Variants in C2orf42 observed in about 807,000 individuals in gnomAD.
C2orf42 encodes the protein chromosome 2 open reading frame 42.
Under a neutral mutation model 58.9 loss-of-function variants are expected in C2orf42, and 44 were observed. The ratio of observed to expected loss-of-function variants is 0.75; its 90% CI spans 0.59 to 0.96. The LOEUF is 0.96. Ranked by LOEUF, C2orf42 falls within the 40% of genes least tolerant of loss-of-function variation. C2orf42 has a pLI of 0.00. For missense variants in C2orf42, 630 were observed against 699.2 expected, an observed-to-expected ratio of 0.90 and a Z score of 1.12; for synonymous variants, 239 against 265.4, an observed-to-expected ratio of 0.90 and a Z score of 0.97.
intron 1 of C2orf42, chr2:70,190,682 G>T (rs1444991305): frequency 6.6e-6 from 1 of 152,182 alleles, no homozygotes; most frequent in Admixed American, 6.6e-5. Context: ...CCGACTCCGG[G>T]ACGCTCACCT....
Position 70,165,636 on chromosome 2 carries a change from C to G in C2orf42, c.1145-1G>C. On this transcript the variant is annotated splice_acceptor_variant, in intron 6 of 9. Coordinates refer to ENST00000264434, the MANE Select transcript of C2orf42 (RefSeq NM_017880.3). LOFTEE classifies it high-confidence loss of function. Reference sequence around the variant, plus strand: ...TGGAACACCAATGGTTCTGGTTTGCCTATGGGAAACAAGAAGAAACAACTC... The same window carrying G: ...TGGAACACCAATGGTTCTGGTTTGCGTATGGGAAACAAGAAGAAACAACTC... 6.4e-7 allele frequency: 1 copy of G among 1,552,842 alleles called. No individual in the cohort carries two copies. The highest frequency in any genetic ancestry group is 8.9e-7 in the Non-Finnish European group (1 of 1,125,184).
At chr2:70,171,060 A>G (rs1274409803) in intron 5 of C2orf42, among the ~76,000 whole-genome samples, 1 of 152,000 alleles carries the variant, frequency 6.6e-6, no homozygotes, top group African/African-American at 2.4e-5. Context: ...GCTTGCAGTG[A>G]GCCGAGATTG....
At chr2:70,150,929 T>A (rs1672269685) in intron 9 of C2orf42, among the ~76,000 whole-genome samples, 1 of 152,144 alleles carries the variant, frequency 6.6e-6, no homozygotes, top group Middle Eastern at 3.2e-3. Context: ...GTATTTTTAG[T>A]AGAGATGGGG....
chr2:70,151,665 A>G (rs1316137034), intron 9 of C2orf42, among the ~76,000 whole-genome samples: 1 of 152,054 alleles, frequency 6.6e-6, no homozygotes, highest in Non-Finnish European at 1.5e-5. Flanking sequence ...AAAAAACAAG[A>G]AGGATGGATT....
In C2orf42 at chr2:70,150,524, G is replaced by C; in HGVS notation, c.1557C>G (p.Ile519Met). ...SPDQKEPTPF[I>M]IEWIPDILPQ... ...GAAGGATATCTGGGATCCACTCGAT[G>C]ATGAAAGGTGTTGGCTCCTTTTGAT... Residue 519 changes from isoleucine to methionine, a missense_variant, in exon 10 of 10, where the codon ATC becomes ATG. Transcript: ENST00000264434. The C allele has an allele frequency of 6.2e-7, 1 of 1,614,012 alleles. No homozygotes were observed. The highest frequency in any genetic ancestry group is 1.7e-5 in the Admixed American group (1 of 60,012).
intron 9 of C2orf42, among the ~76,000 whole-genome samples, chr2:70,156,777 G>A (rs1280773211): frequency 2.6e-5 from 4 of 151,348 alleles, no homozygotes; most frequent in Admixed American, 1.3e-4. Flanking sequence ...TGGGAGGATC[G>A]CTTGAGCCCA....
At chr2:70,168,203 C>T (rs1243289373) in intron 6 of C2orf42, among the ~76,000 whole-genome samples, 3 of 151,674 alleles carry the variant, frequency 2.0e-5, no homozygotes, top group Non-Finnish European at 4.4e-5. Context: ...CACTGCACTC[C>T]AGCCTGGGCG....
intron 8 of C2orf42, among the ~76,000 whole-genome samples, 194 bp downstream of exon 8, chr2:70,164,898 T>C (rs1267487118): frequency 6.6e-6 from 1 of 152,186 alleles, no homozygotes; most frequent in Non-Finnish European, 1.5e-5. Context: ...AGATACTTTT[T>C]TCAAGCCATA....
At chr2:70,156,721 G>A (rs1442283656) in intron 9 of C2orf42, among the ~76,000 whole-genome samples, 2 of 152,054 alleles carry the variant, frequency 1.3e-5, no homozygotes, top group Middle Eastern at 3.2e-3. Context: ...AATTAGCTGG[G>A]AATGGTGGCA....
chr2:70,182,029 T>C (rs1674615822), intron 2 of C2orf42, 32 bp from the exon 3 acceptor site: 1 of 975,678 alleles, frequency 1.0e-6, no homozygotes, highest in South Asian at 1.5e-5. Context: ...ACAGTATGAG[T>C]ATACCTTCAC....
chr2:70,159,620 A>G lies in C2orf42; in HGVS notation c.1516+1005T>C, dbSNP rs114788714. On this transcript the variant is annotated intron_variant, in intron 9 of 9. Transcript: ENST00000264434. ...AAAAAAAAAAAAATTTAGAACTGAA[A>G]AAAGCCAGTTACCTGATTTGGAAAA... 6.9e-3 allele frequency among the ~76,000 whole-genome samples: 1,046 copies of G among 152,176 alleles called. 12 individuals are homozygous for G. The highest frequency in any genetic ancestry group is 0.024 in the African/African-American group (1,002 of 41,518).
chr2:70,165,184 G>C lies in C2orf42; in HGVS notation c.1261C>G (p.Arg421Gly). 1 of 1,595,752 alleles carries C rather than the reference G, an allele frequency of 6.3e-7. No homozygotes were observed. Among genetic ancestry groups the C allele is most frequent in the Non-Finnish European group, 8.6e-7 (1 of 1,167,808 alleles). ...GTTCCCAGTGGCAAGGCATCTTTCC[G>C]AACAAAAGCTTCAACGTGAAAAAAG... ...RLPNSTTAFV[R>G]KDALPLGTFS... is the part of the protein sequence containing the mutation. The change falls in exon 8 of 10, where the codon CGG (arginine) becomes GGG (glycine). Residue 421 changes from arginine (R) to glycine (G), a missense_variant. By Grantham distance (125) the Arg-to-Gly change is moderately radical. Coordinates refer to ENST00000264434, the MANE Select transcript of C2orf42 (RefSeq NM_017880.3).
rs910018490 is a variant in C2orf42 at position 70,181,792 on chromosome 2, T to C, written c.194A>G (p.Lys65Arg). ...ARKQPSVEAV[K>R]IITGSDLQVY... ...CTGAAGATCAGAGCCTGTAATGATT[T>C]TGACAGCTTCAACACTAGGCTGCTT... The change falls in exon 3 of 10, where the codon AAA (lysine) becomes AGA (arginine). Residue 65 changes from lysine (K) to arginine (R), a missense_variant. Physicochemically the swap from Lys to Arg is conservative, Grantham distance 26 (BLOSUM62 2). Coordinates refer to ENST00000264434, the MANE Select transcript of C2orf42 (RefSeq NM_017880.3). 1.9e-6 allele frequency: 3 copies of C among 1,614,190 alleles called. No individual in the cohort carries two copies. Among genetic ancestry groups the C allele is most frequent in the Non-Finnish European group, 1.7e-6 (2 of 1,180,024 alleles).
chr2:70,151,236 C>T (rs188213377), intron 9 of C2orf42, among the ~76,000 whole-genome samples: 2 of 152,264 alleles, frequency 1.3e-5, no homozygotes, highest in African/African-American at 2.4e-5. Flanking sequence ...ATAGTCCCAA[C>T]TACTTGGGAG....
At chr2:70,187,423 T>C (rs577517367) in intron 1 of C2orf42, among the ~76,000 whole-genome samples, 1 of 151,710 alleles carries the variant, frequency 6.6e-6, no homozygotes, top group African/African-American at 2.4e-5. Flanking sequence ...GCTAACTTTT[T>C]TGTATTTTTA....
intron 1 of C2orf42, among the ~76,000 whole-genome samples, chr2:70,186,962 G>A (rs1380644995): frequency 1.3e-5 from 2 of 151,952 alleles, no homozygotes; most frequent in Non-Finnish European, 2.9e-5. Flanking sequence ...GTGGGGTGGG[G>A]GGAGGAGGGA....
chr2:70,150,572 G>C lies in C2orf42; in HGVS notation c.1517-8C>G, dbSNP rs749997930. The C allele has an allele frequency of 3.7e-6, 6 of 1,603,240 alleles. No homozygotes were observed. Among genetic ancestry groups the C allele is most frequent in the Non-Finnish European group, 5.1e-6 (6 of 1,170,100 alleles). ...GATCTGGGGAAGTGTTGCCTAAAGA[G>C]AAGAAAGGAGTATTAGTACAATTCC... On this transcript the variant is annotated splice_region_variant and splice_polypyrimidine_tract_variant and intron_variant, in intron 9 of 9. Transcript: ENST00000264434.
At chr2:70,174,440 A>G (rs1162756404) in intron 5 of C2orf42, among the ~76,000 whole-genome samples, 2 of 152,198 alleles carry the variant, frequency 1.3e-5, no homozygotes, top group Non-Finnish European at 2.9e-5. Context: ...ACATTTTGTA[A>G]AACTATAGTA....
chr2:70,165,891 A>C (rs990346729), intron 6 of C2orf42, among the ~76,000 whole-genome samples: 4 of 151,964 alleles, frequency 2.6e-5, no homozygotes, highest in South Asian at 4.2e-4. Context: ...AGTGTCTATA[A>C]AAAAAAATTT....
Sources: allele counts gnomAD v4.1 joint callset (sites outside exome capture counted in the v4.1 genomes callset), GRCh38; gene constraint gnomAD v4.1.1; transcripts MANE v1.5; gene names NCBI Gene and HGNC (gene_info 2026-07-23, HGNC 2026-07-21).